Variants in DNAJC3 observed in about 807,000 individuals in gnomAD.
The protein encoded by DNAJC3 is DnaJ heat shock protein family (Hsp40) member C3, also known as dnaJ homolog subfamily C member 3.
A neutral mutation model predicts 68.6 loss-of-function variants in DNAJC3; 38 were observed. That is an observed-to-expected ratio of 0.55 (90% CI 0.43 to 0.73). The LOEUF is 0.73. Among genes scored for constraint, DNAJC3 ranks in the 30% least tolerant of loss-of-function variants. The probability of loss-of-function intolerance (pLI) is 0.00; values close to 1 mark genes in which losing one functional copy is unlikely to be tolerated. For missense variants in DNAJC3, 526 were observed against 591.9 expected (o/e 0.89, Z 1.16); for synonymous variants, 203 against 204.0 (o/e 1.00, Z 0.04).
intron 4 of DNAJC3, among the ~76,000 whole-genome samples, chr13:95,728,776 T>C (rs1300946197): frequency 1.3e-5 from 2 of 152,200 alleles, no homozygotes; most frequent in Non-Finnish European, 2.9e-5. Flanking sequence ...ATTCAGAATA[T>C]CTATCACTGA....
Position 95,793,257 on chromosome 13 carries a change from A to G in DNAJC3, c.*2227A>G, listed in dbSNP as rs1883840929. On this transcript the variant is annotated 3_prime_UTR_variant, in exon 12 of 12. Coordinates refer to ENST00000602402, the MANE Select transcript of DNAJC3 (RefSeq NM_006260.5). ...TGTTGTTTCGCTGATTCATGAAGAA[A>G]GTAACAACTGTTGAGTTTCAGCCTT... The G allele has an allele frequency of 6.6e-6, 1 of 152,200 alleles. No homozygotes were observed. The highest frequency in any genetic ancestry group is 2.1e-4 in the South Asian group (1 of 4,834). 9.4% of individuals were successfully genotyped at this position (152,200 alleles called of 1,614,324 possible).
In DNAJC3 at chr13:95,725,264, A is replaced by G; in HGVS notation, c.393+12A>G. 6.4e-7 allele frequency: 1 copy of G among 1,569,976 alleles called. No homozygotes were observed. The highest frequency in any genetic ancestry group is 8.6e-7 in the Non-Finnish European group (1 of 1,158,908). On this transcript the variant is annotated intron_variant, in intron 4 of 11. Transcript: ENST00000602402. ...ATTTTAAAAAAGTGGTAAGTTCAAT[A>G]TGTATTTGACTCTAGGAAGATGTTA...
chr13:95,768,163 AT>A (rs150320185), intron 9 of DNAJC3, among the ~76,000 whole-genome samples: 2,279 of 151,914 alleles, frequency 0.015, 63 homozygotes, highest in African/African-American at 0.052. Context: ...TATGCCATTT[AT>A]TTTTTGCTAT....
intron 4 of DNAJC3, 95 bp downstream of exon 4, chr13:95,725,347 G>C: frequency 1.2e-6 from 1 of 847,640 alleles, no homozygotes; most frequent in South Asian, 2.6e-5. Flanking sequence ...TAATTTTATA[G>C]CTAAGAGTCA....
intron 9 of DNAJC3, among the ~76,000 whole-genome samples, chr13:95,765,407 G>C (rs1882962563): frequency 8.0e-6 from 1 of 124,684 alleles, no homozygotes; most frequent in Admixed American, 8.0e-5. Context: ...GAGCTTAGCT[G>C]TTAAAAAAAA....
chr13:95,742,126 G>A (rs945746642), intron 4 of DNAJC3, among the ~76,000 whole-genome samples: 8 of 152,178 alleles, frequency 5.3e-5, no homozygotes, highest in Non-Finnish European at 1.2e-4. Flanking sequence ...CCTAGGTGGC[G>A]GCTGCTGGCA....
At chr13:95,725,986 G>T (rs12385839) in intron 4 of DNAJC3, among the ~76,000 whole-genome samples, 2 of 151,534 alleles carry the variant, frequency 1.3e-5, no homozygotes, top group African/African-American at 4.9e-5. Context: ...CATCCATGTC[G>T]CTACAAAGGA....
chr13:95,790,800 C>T (rs1883744478), intron 11 of DNAJC3, 73 bp from the exon 12 acceptor site: 1 of 1,466,518 alleles, frequency 6.8e-7, no homozygotes, highest in South Asian at 1.2e-5. Context: ...CCCTCCTCTG[C>T]CCAAAGAAAA....
chr13:95,714,512 A>G (rs1293232851), intron 2 of DNAJC3, among the ~76,000 whole-genome samples: 3 of 151,990 alleles, frequency 2.0e-5, no homozygotes, highest in Non-Finnish European at 4.4e-5. Context: ...CAGGTTTGCT[A>G]TAATAACAGG....
intron 4 of DNAJC3, among the ~76,000 whole-genome samples, chr13:95,740,533 G>A (rs986145753): frequency 1.9e-4 from 29 of 151,246 alleles, no homozygotes; most frequent in African/African-American, 2.2e-4. Context: ...TTTTAAGCCC[G>A]TCGGAAAAGC....
intron 1 of DNAJC3, among the ~76,000 whole-genome samples, chr13:95,687,901 C>T (rs1021767559): frequency 1.3e-5 from 2 of 152,174 alleles, no homozygotes; most frequent in African/African-American, 2.4e-5. Flanking sequence ...ATTCTTCCAA[C>T]CTGTGAGCAT....
chr13:95,713,200 C>G (rs1405224449), intron 2 of DNAJC3, among the ~76,000 whole-genome samples: 1 of 152,070 alleles, frequency 6.6e-6, no homozygotes, highest in Non-Finnish European at 1.5e-5. Flanking sequence ...ATACAATTGC[C>G]CAGCCCCTGT....
chr13:95,681,855 G>A (rs1879923559), intron 1 of DNAJC3, among the ~76,000 whole-genome samples: 1 of 152,088 alleles, frequency 6.6e-6, no homozygotes, highest in Admixed American at 6.5e-5. Flanking sequence ...CTGAGAAAAT[G>A]AAAGCCATCA....
Position 95,690,873 on chromosome 13 carries a change from A to G in DNAJC3, c.82+13536A>G, listed in dbSNP as rs1880223128. 2.4e-5 allele frequency among the ~76,000 whole-genome samples: 3 copies of G among 125,728 alleles called. No homozygotes were observed. In the South Asian group the frequency reaches 8.4e-4, roughly 35 times the overall value. The allele number at this position is 125,728 out of a possible 152,430, so 82.5% of individuals were successfully genotyped here. ...CTTCCCAGTAGGGGCGGCCGGGCAG[A>G]GGCGCCCCTCACTTCCCAGACGGGG... On this transcript the variant is annotated intron_variant, in intron 1 of 11. Transcript: ENST00000602402.
chr13:95,754,856 A>AGAAG lies in DNAJC3; in HGVS notation c.394-2786_394-2783dup, dbSNP rs1350241119. 5.2e-4 allele frequency among the ~76,000 whole-genome samples: 79 copies of AGAAG among 152,322 alleles called. 2 individuals carry two copies. In the Middle Eastern group the frequency reaches 0.01, roughly 20 times the overall value. ...GCCAGAAGTAGAGGTGCAGTCATAC[A>AGAAG]GAAGGCAGATCATCTCTTTGAACAA... On this transcript the variant is annotated intron_variant, in intron 4 of 11. Transcript: ENST00000602402.
At position 95,792,934 on chromosome 13, in the gene DNAJC3, A is replaced by G. The variant is rs935076630; in HGVS notation, c.*1904A>G. The G allele has an allele frequency of 6.6e-6, 1 of 152,244 alleles. No homozygotes were observed. The highest frequency in any genetic ancestry group is 6.5e-5 in the Admixed American group (1 of 15,288). 9.4% of individuals were successfully genotyped at this position (152,244 alleles called of 1,614,324 possible). The stretch of plus-strand genomic sequence containing the variant: ...CATAGAGTCAGAAAAAAAAGGAAAT[A>G]TCAAATCACTTGCCTTTCCACTTGG... On this transcript the variant is annotated 3_prime_UTR_variant, in exon 12 of 12. Transcript: ENST00000602402.
Position 95,763,969 on chromosome 13 carries a change from T to G in DNAJC3, c.1075+16T>G, listed in dbSNP as rs1204975755. ...TATGATGAAGGTAAATCTTTAAGGA[T>G]TTGATTTGCAGTACCGAAGTGTTGA... On this transcript the variant is annotated intron_variant, in intron 9 of 11. Transcript: ENST00000602402. 3 of 1,612,918 alleles carry G rather than the reference T, an allele frequency of 1.9e-6. No individual in the cohort carries two copies. In the East Asian group the frequency reaches 6.7e-5, roughly 36 times the overall value.
intron 5 of DNAJC3, 96 bp downstream of exon 5, chr13:95,757,892 G>A: frequency 7.6e-7 from 1 of 1,320,588 alleles, no homozygotes. Context: ...GACCTAGACA[G>A]GAGAAAATCA....
At chr13:95,686,163 G>A (rs531988808) in intron 1 of DNAJC3, among the ~76,000 whole-genome samples, 9 of 152,192 alleles carry the variant, frequency 5.9e-5, no homozygotes, top group African/African-American at 1.9e-4. Context: ...GGGTTTCACT[G>A]TGCTAGCCAG....
Sources: gnomAD v4.1 joint callset for allele counts (sites outside exome capture counted in the v4.1 genomes callset) on GRCh38, gnomAD v4.1.1 for gene constraint, MANE v1.5 for transcripts, NCBI Gene and HGNC (gene_info 2026-07-23, HGNC 2026-07-21) for gene names.